Variants in ULK4 observed in about 807,000 individuals in gnomAD.
ULK4 encodes the protein inactive serine/threonine-protein kinase ULK4.
Under a neutral mutation model 160.6 loss-of-function variants are expected in ULK4, and 133 were observed. The observed-to-expected ratio is 0.83, with a 90% CI of 0.72 to 0.96. The LOEUF is 0.96. ULK4 is among the 40% of genes least tolerant of loss of function. The pLI is 0.00. For missense variants in ULK4, 1,580 were observed against 1,499.5 expected (o/e 1.05, Z -0.89); for synonymous variants, 534 against 539.8 (o/e 0.99, Z 0.15).
At chr3:41,613,602 A>T (rs2032815635) in intron 31 of ULK4, among the ~76,000 whole-genome samples, 1 of 152,248 alleles carries the variant, frequency 6.6e-6, no homozygotes, top group African/African-American at 2.4e-5. Flanking sequence ...GATAAGTAAT[A>T]GTTCACAGGA....
intron 29 of ULK4, among the ~76,000 whole-genome samples, chr3:41,666,647 T>C (rs1300704697): frequency 6.6e-6 from 1 of 152,188 alleles, no homozygotes. Context: ...CAAGACATAC[T>C]TGAATTACAG....
chr3:41,457,198 AG>A (rs1351205133), intron 33 of ULK4, among the ~76,000 whole-genome samples: 16 of 152,138 alleles, frequency 1.1e-4, no homozygotes, highest in African/African-American at 3.9e-4. Context: ...GGGAGAGATA[AG>A]GCAGTCTTGC....
intron 30 of ULK4, among the ~76,000 whole-genome samples, chr3:41,621,818 G>A (rs2033256250): frequency 6.6e-6 from 1 of 152,138 alleles, no homozygotes; most frequent in Non-Finnish European, 1.5e-5. Context: ...CCATCAGAGT[G>A]AAAAGGCAAC....
chr3:41,333,625 G>C (rs2080492802), intron 35 of ULK4, among the ~76,000 whole-genome samples: 1 of 152,096 alleles, frequency 6.6e-6, no homozygotes, highest in South Asian at 2.1e-4. Context: ...ATTTTTCTTA[G>C]TCTAAAACAT....
intron 32 of ULK4, among the ~76,000 whole-genome samples, chr3:41,533,781 A>C (rs1408969766): frequency 1.3e-5 from 2 of 152,218 alleles, no homozygotes; most frequent in Admixed American, 6.5e-5. Flanking sequence ...CTTAAAAGTA[A>C]AGAAATAGAA....
intron 35 of ULK4, among the ~76,000 whole-genome samples, chr3:41,377,715 C>G (rs1467542191): frequency 4.1e-5 from 6 of 147,802 alleles, no homozygotes; most frequent in Admixed American, 3.4e-4. Flanking sequence ...ATTAAAAAGT[C>G]AGGAAACAAC....
At chr3:41,862,781 C>T (rs868108726) in intron 17 of ULK4, among the ~76,000 whole-genome samples, 1 of 140,674 alleles carries the variant, frequency 7.1e-6, no homozygotes, top group African/African-American at 3.0e-5. Context: ...CTCTCTCTCT[C>T]TCTCCGCTCC....
chr3:41,802,706 GATT>G (rs1455074460), intron 19 of ULK4, among the ~76,000 whole-genome samples: 2 of 152,074 alleles, frequency 1.3e-5, no homozygotes, highest in East Asian at 3.9e-4. Context: ...GAGAATACTA[GATT>G]ATTCTGGTGT....
chr3:41,769,842 G>A (rs2039294389), intron 21 of ULK4, among the ~76,000 whole-genome samples: 1 of 152,110 alleles, frequency 6.6e-6, no homozygotes. Context: ...CAAATCTCAA[G>A]GGGTAAAATT....
chr3:41,474,929 G>A (rs1456053985), intron 32 of ULK4, among the ~76,000 whole-genome samples: 3 of 151,810 alleles, frequency 2.0e-5, no homozygotes, highest in Non-Finnish European at 2.9e-5. Flanking sequence ...AAAGTATACG[G>A]AGGCTCCTTT....
chr3:41,528,899 T>C (rs1049024279), intron 32 of ULK4, among the ~76,000 whole-genome samples: 4 of 152,200 alleles, frequency 2.6e-5, no homozygotes, highest in Non-Finnish European at 5.9e-5. Context: ...ACCTGGGTGA[T>C]GAAATAACAT....
At chr3:41,955,796 A>AAG (rs1491411227) in intron 1 of ULK4, 1 of 6,916 alleles carries the variant, frequency 1.4e-4, no homozygotes, top group East Asian at 3.3e-3. Flanking sequence ...ACCTTCACAG[A>AAG]AAAAAAAAAA....
At chr3:41,523,666 A>G (rs1291272596) in intron 32 of ULK4, among the ~76,000 whole-genome samples, 1 of 152,218 alleles carries the variant, frequency 6.6e-6, no homozygotes, top group African/African-American at 2.4e-5. Flanking sequence ...TGGAGTCCAT[A>G]CACATTGCTG....
chr3:41,531,009 G>A (rs891014376), intron 32 of ULK4, among the ~76,000 whole-genome samples: 2 of 151,248 alleles, frequency 1.3e-5, no homozygotes, highest in African/African-American at 4.9e-5. Flanking sequence ...TGATCTGCCC[G>A]CCTCGGCCTC....
intron 5 of ULK4, among the ~76,000 whole-genome samples, chr3:41,923,866 G>A (rs1444462100): frequency 1.3e-5 from 2 of 152,136 alleles, no homozygotes; most frequent in Admixed American, 1.3e-4. Flanking sequence ...AAAACTGAGC[G>A]TAGTTTGACA....
chr3:41,895,621 A>G (rs1205080901), intron 15 of ULK4, 57 bp from the exon 16 acceptor site: 2 of 1,142,640 alleles, frequency 1.8e-6, no homozygotes, highest in Non-Finnish European at 2.4e-6. Flanking sequence ...TTAAGTCACA[A>G]AACACAGAAA....
intron 20 of ULK4, among the ~76,000 whole-genome samples, chr3:41,798,170 T>C (rs755112793): frequency 8.1e-5 from 12 of 148,592 alleles, no homozygotes; most frequent in Non-Finnish European, 1.8e-4. Flanking sequence ...TGGGAACTAT[T>C]GAAAAAAAAC....
At chr3:41,827,417 G>A (rs1048264019) in intron 18 of ULK4, among the ~76,000 whole-genome samples, 8 of 151,404 alleles carry the variant, frequency 5.3e-5, no homozygotes, top group African/African-American at 1.9e-4. Context: ...CCACTAGCAA[G>A]ACTATCAGAC....
intron 35 of ULK4, among the ~76,000 whole-genome samples, chr3:41,279,588 C>G (rs562300982): frequency 2.4e-3 from 373 of 152,262 alleles, no homozygotes; most frequent in Middle Eastern, 0.01. Context: ...CAAAGGAAGC[C>G]CATCAGACTA....
Sources: allele counts gnomAD v4.1 joint callset (sites outside exome capture counted in the v4.1 genomes callset), GRCh38; gene constraint gnomAD v4.1.1; transcripts MANE v1.5; gene names NCBI Gene and HGNC (gene_info 2026-07-23, HGNC 2026-07-21).